SAMD5: variants seen among roughly 807,000 people sequenced by gnomAD.
The protein encoded by SAMD5 is sterile alpha motif domain containing 5, also known as sterile alpha motif domain-containing protein 5.
In SAMD5, 13 loss-of-function variants were observed where a neutral mutation model predicts 11.3. The ratio of observed to expected loss-of-function variants is 1.15; its 90% CI spans 0.75 to 1.83. The LOEUF (loss-of-function observed/expected upper bound fraction) is 1.83. Among genes scored for constraint, SAMD5 ranks in the 40% most tolerant of loss-of-function variants. The pLI is 0.00. For synonymous variants in SAMD5, 129 were observed against 111.3 expected (o/e 1.16, Z -1.00); for missense variants, 255 against 239.1 (o/e 1.07, Z -0.44).
At chr6:147,811,657 A>G in the SAMD5 span, among the ~76,000 whole-genome samples, 1 of 152,150 alleles carries the variant, frequency 6.6e-6, no homozygotes. Flanking sequence ...GGAGGGGGTT[A>G]TATTGATGAT....
the SAMD5 span, among the ~76,000 whole-genome samples, chr6:147,921,547 C>A: frequency 6.6e-6 from 1 of 152,200 alleles, no homozygotes. Flanking sequence ...TAATAGAGGT[C>A]TATCTAGTTA....
At chr6:147,921,586 A>C in the SAMD5 span, among the ~76,000 whole-genome samples, 2 of 152,314 alleles carry the variant, frequency 1.3e-5, no homozygotes, top group African/African-American at 4.8e-5. Context: ...GAATGGACTC[A>C]GGGGACTTTT....
At chr6:147,753,227 A>G in the SAMD5 span, among the ~76,000 whole-genome samples, 76 of 152,306 alleles carry the variant, frequency 5.0e-4, no homozygotes, top group African/African-American at 1.6e-3. Flanking sequence ...TGCAGAGTTC[A>G]TGGGAGGCAG....
At chr6:147,696,946 T>C (rs1395725138) in intron 1 of SAMD5, among the ~76,000 whole-genome samples, 1 of 152,196 alleles carries the variant, frequency 6.6e-6, no homozygotes, top group Non-Finnish European at 1.5e-5. Context: ...GCCTGTGAGC[T>C]ACAGACATTT....
chr6:147,698,402 C>T (rs1562354347), intron 1 of SAMD5, among the ~76,000 whole-genome samples: 2 of 152,150 alleles, frequency 1.3e-5, no homozygotes. Context: ...ATTTTCTACA[C>T]TTGGAAAACA....
chr6:147,810,636 G>A, the SAMD5 span, among the ~76,000 whole-genome samples: 2 of 152,190 alleles, frequency 1.3e-5, no homozygotes, highest in East Asian at 3.9e-4. Flanking sequence ...CTTTTAAGAG[G>A]AACAAATAGG....
At chr6:147,684,605 C>A (rs1310411170) in intron 1 of SAMD5, among the ~76,000 whole-genome samples, 4 of 152,152 alleles carry the variant, frequency 2.6e-5, no homozygotes, top group Non-Finnish European at 4.4e-5. Flanking sequence ...TTCTTTGCAT[C>A]CTGGCTAACA....
At chr6:147,730,995 G>A (rs1791705199) in intron 1 of SAMD5, among the ~76,000 whole-genome samples, 1 of 152,126 alleles carries the variant, frequency 6.6e-6, no homozygotes, top group Admixed American at 6.5e-5. Context: ...GACAATAATA[G>A]GTAAATATTG....
At chr6:147,670,115 C>T (rs938533828) in intron 1 of SAMD5, among the ~76,000 whole-genome samples, 1 of 152,224 alleles carries the variant, frequency 6.6e-6, no homozygotes, top group African/African-American at 2.4e-5. Flanking sequence ...ACATCTCCAT[C>T]AGAGCTCTTG....
the SAMD5 span, among the ~76,000 whole-genome samples, chr6:147,939,974 C>T: frequency 6.6e-5 from 10 of 152,146 alleles, no homozygotes; most frequent in East Asian, 5.8e-4. Flanking sequence ...GATTTCCTAG[C>T]GAAGTACTAT....
intron 1 of SAMD5, among the ~76,000 whole-genome samples, chr6:147,662,678 A>G (rs1790664013): frequency 6.6e-6 from 1 of 152,210 alleles, no homozygotes; most frequent in Non-Finnish European, 1.5e-5. Flanking sequence ...TGTCCAGATG[A>G]AAAGCCTTGG....
the SAMD5 span, among the ~76,000 whole-genome samples, chr6:147,775,580 CA>C: frequency 6.6e-6 from 1 of 152,144 alleles, no homozygotes; most frequent in Non-Finnish European, 1.5e-5. Flanking sequence ...TCAACATATT[CA>C]AATGGTCTGG....
chr6:147,616,735 A>G (rs1218861928), intron 1 of SAMD5, among the ~76,000 whole-genome samples: 1 of 152,238 alleles, frequency 6.6e-6, no homozygotes, highest in African/African-American at 2.4e-5. Context: ...GCCTCAGGAA[A>G]CTTACAATCA....
chr6:147,783,291 C>G, the SAMD5 span, among the ~76,000 whole-genome samples: 2 of 151,470 alleles, frequency 1.3e-5, no homozygotes, highest in African/African-American at 2.4e-5. Context: ...TAATAATATA[C>G]GAGAACATCA....
At chr6:147,657,797 G>A (rs748584516) in intron 1 of SAMD5, among the ~76,000 whole-genome samples, 3 of 152,090 alleles carry the variant, frequency 2.0e-5, no homozygotes, top group East Asian at 1.9e-4. Flanking sequence ...AGTCCCATTC[G>A]TGAGAACTCC....
intron 1 of SAMD5, among the ~76,000 whole-genome samples, chr6:147,720,519 A>T (rs1791535556): frequency 6.6e-6 from 1 of 151,874 alleles, no homozygotes; most frequent in African/African-American, 2.4e-5. Flanking sequence ...CACATATTCT[A>T]TTCTACCTTG....
chr6:147,742,334 C>T (rs1263417414), downstream of SAMD5, among the ~76,000 whole-genome samples: 2 of 151,970 alleles, frequency 1.3e-5, no homozygotes, highest in African/African-American at 4.8e-5. Context: ...GCCTCTGAGT[C>T]GCTTTGGGTG....
intron 1 of SAMD5, among the ~76,000 whole-genome samples, chr6:147,690,360 C>G (rs1423850071): frequency 6.6e-6 from 1 of 152,174 alleles, no homozygotes; most frequent in Non-Finnish European, 1.5e-5. Flanking sequence ...TAATATATCT[C>G]TTTAAATCCC....
chr6:147,735,638 G>T (rs1440508528), intron 1 of SAMD5, among the ~76,000 whole-genome samples: 2 of 149,178 alleles, frequency 1.3e-5, no homozygotes, highest in East Asian at 3.9e-4. Context: ...TTCAGAGATC[G>T]TATCATCTAT....
Sources: allele counts gnomAD v4.1 joint callset (sites outside exome capture counted in the v4.1 genomes callset), GRCh38; gene constraint gnomAD v4.1.1; transcripts MANE v1.5; gene names NCBI Gene and HGNC (gene_info 2026-07-23, HGNC 2026-07-21).